The following ANXA8 variants were observed in gnomAD, a reference collection of about 807,000 sequenced individuals.
ANXA8 encodes the protein VAC-beta.
ANXA8 carries 9 observed loss-of-function variants against 26.8 expected under a neutral mutation model. That is an observed-to-expected ratio of 0.34 (90% CI 0.20 to 0.59). ANXA8 has a LOEUF of 0.59. Among genes scored for constraint, ANXA8 ranks in the 20% least tolerant of loss-of-function variants. The pLI is 0.84. For synonymous variants in ANXA8, 39 were observed against 94.8 expected (o/e 0.41, Z 3.42); for missense variants, 83 against 238.5 (o/e 0.35, Z 4.29).
At chr10:47,551,528 G>C in the ANXA8 span, among the ~76,000 whole-genome samples, 1 of 151,860 alleles carries the variant, frequency 6.6e-6, no homozygotes. Context: ...ATAAATTCTT[G>C]TATCTTGGGC....
At chr10:47,735,054 AC>A in the ANXA8 span, among the ~76,000 whole-genome samples, 68 of 149,822 alleles carry the variant, frequency 4.5e-4, no homozygotes, top group African/African-American at 1.1e-3. Context: ...TAAAAAAAAA[AC>A]GTTTTCCTTT....
the ANXA8 span, among the ~76,000 whole-genome samples, chr10:47,771,865 C>G: frequency 6.6e-6 from 1 of 150,940 alleles, no homozygotes; most frequent in Non-Finnish European, 1.5e-5. Context: ...GCATAAGCCA[C>G]CATGCCTGGC....
At chr10:47,715,455 A>AT in the ANXA8 span, among the ~76,000 whole-genome samples, 1 of 113,518 alleles carries the variant, frequency 8.8e-6, no homozygotes, top group East Asian at 3.2e-4. Flanking sequence ...TGGAAAAAAA[A>AT]AATAATAATA....
chr10:47,979,491 G>A, the ANXA8 span, among the ~76,000 whole-genome samples: 5,105 of 151,490 alleles, frequency 0.034, 134 homozygotes, highest in Non-Finnish European at 0.051. Context: ...AAGGGGCTTT[G>A]CAGATATGAT....
the ANXA8 span, among the ~76,000 whole-genome samples, chr10:47,746,754 C>T: frequency 8.1e-6 from 1 of 123,866 alleles, no homozygotes; most frequent in Non-Finnish European, 1.7e-5. Context: ...GAAATGAGTG[C>T]TTATTTAAGT....
chr10:47,556,995 TTTTC>T, the ANXA8 span, among the ~76,000 whole-genome samples: 15 of 147,818 alleles, frequency 1.0e-4, no homozygotes, highest in Admixed American at 6.8e-5. Flanking sequence ...ATAATTTTTA[TTTTC>T]TTTCTTTTTT....
At chr10:47,937,851 T>C in the ANXA8 span, among the ~76,000 whole-genome samples, 1 of 145,714 alleles carries the variant, frequency 6.9e-6, no homozygotes, top group Non-Finnish European at 1.5e-5. Flanking sequence ...GTAAAGGACA[T>C]GATCTCATTC....
chr10:47,691,366 A>G, the ANXA8 span: 1 of 592,278 alleles, frequency 1.7e-6, no homozygotes, highest in Admixed American at 3.2e-5. Context: ...TGATCCCTTT[A>G]TTGCATCTGC....
the ANXA8 span, chr10:47,502,467 G>A: frequency 1.2e-6 from 2 of 1,612,794 alleles, no homozygotes; most frequent in South Asian, 2.2e-5. Context: ...ACTTTATTGA[G>A]GGTTTTGTCT....
the ANXA8 span, among the ~76,000 whole-genome samples, chr10:47,958,100 A>G: frequency 6.7e-6 from 1 of 150,316 alleles, no homozygotes; most frequent in Non-Finnish European, 1.5e-5. Context: ...GATTTTAATA[A>G]TAACTATTCC....
chr10:47,501,535 AC>A, the ANXA8 span, among the ~76,000 whole-genome samples: 890 of 135,430 alleles, frequency 6.6e-3, 56 homozygotes, highest in African/African-American at 0.023. Context: ...TGGTGAAACC[AC>A]GTCTCTACTA....
chr10:47,699,822 G>C, the ANXA8 span, among the ~76,000 whole-genome samples: 1 of 151,340 alleles, frequency 6.6e-6, no homozygotes, highest in African/African-American at 2.4e-5. Flanking sequence ...ACAGAGCAAG[G>C]CCCTGTCTCA....
At chr10:47,980,620 T>C in the ANXA8 span, among the ~76,000 whole-genome samples, 1 of 150,402 alleles carries the variant, frequency 6.6e-6, no homozygotes. Flanking sequence ...ATTAATAATG[T>C]TTAGAGAATG....
chr10:47,595,497 T>A, the ANXA8 span, among the ~76,000 whole-genome samples: 1 of 149,110 alleles, frequency 6.7e-6, no homozygotes, highest in Non-Finnish European at 1.5e-5. Context: ...GAATCACCCA[T>A]CTGCTGTCTT....
the ANXA8 span, among the ~76,000 whole-genome samples, chr10:47,694,609 C>G: frequency 6.6e-6 from 1 of 151,466 alleles, no homozygotes; most frequent in African/African-American, 2.4e-5. Context: ...TTAGTAGAGG[C>G]AGGGTTTCAC....
At chr10:47,683,163 C>T in the ANXA8 span, among the ~76,000 whole-genome samples, 3 of 150,964 alleles carry the variant, frequency 2.0e-5, no homozygotes, top group Admixed American at 2.0e-4. Flanking sequence ...TCATAAGTTG[C>T]ATAAAAAGTG....
chr10:47,645,113 T>C, the ANXA8 span, among the ~76,000 whole-genome samples: 5 of 151,312 alleles, frequency 3.3e-5, no homozygotes, highest in African/African-American at 1.2e-4. Flanking sequence ...ACTATAATAT[T>C]AATAACATTT....
chr10:47,491,619 T>A, the ANXA8 span: 1 of 1,533,136 alleles, frequency 6.5e-7, no homozygotes, highest in Admixed American at 2.0e-5. Flanking sequence ...CTCGGTGGCC[T>A]TCTCGGTGCG....
At chr10:47,681,558 G>A in the ANXA8 span, among the ~76,000 whole-genome samples, 1 of 88,278 alleles carries the variant, frequency 1.1e-5, no homozygotes, top group African/African-American at 4.5e-5. Flanking sequence ...TAGAGACAGT[G>A]TCTCACTCTG....
Sources: gnomAD v4.1 joint callset for allele counts (sites outside exome capture counted in the v4.1 genomes callset) on GRCh38, gnomAD v4.1.1 for gene constraint, MANE v1.5 for transcripts, NCBI Gene and HGNC (gene_info 2026-07-23, HGNC 2026-07-21) for gene names.